Variants in YME1L1 observed in about 807,000 individuals in gnomAD.
YME1L1 encodes the protein ATP-dependent zinc metalloprotease YME1L1.
YME1L1 carries 39 observed loss-of-function variants against 90.4 expected under a neutral mutation model. The ratio of observed to expected loss-of-function variants is 0.43; its 90% CI spans 0.33 to 0.56. The LOEUF is 0.56. Among genes scored for constraint, YME1L1 ranks in the 20% least tolerant of loss-of-function variants. The pLI, the probability that YME1L1 is intolerant of heterozygous loss-of-function variation, is 0.03. For missense variants in YME1L1, 617 were observed against 868.4 expected, an observed-to-expected ratio of 0.71 and a Z score of 3.64; for synonymous variants, 284 against 287.3, an observed-to-expected ratio of 0.99 and a Z score of 0.12.
chr10:27,124,071 G>T (rs2056893699), intron 9 of YME1L1, among the ~76,000 whole-genome samples: 1 of 151,988 alleles, frequency 6.6e-6, no homozygotes, highest in South Asian at 2.1e-4. Flanking sequence ...TTTTCATAAA[G>T]AACAAAAAAT....
intron 1 of YME1L1, among the ~76,000 whole-genome samples, chr10:27,151,566 G>A (rs1008238670): frequency 2.6e-5 from 4 of 152,198 alleles, no homozygotes; most frequent in African/African-American, 4.8e-5. Context: ...AAGGAATAAA[G>A]CTGACCGTAA....
At chr10:27,145,298 AAAC>A in intron 3 of YME1L1, 127 bp downstream of exon 3, 1 of 787,386 alleles carries the variant, frequency 1.3e-6, no homozygotes, top group Admixed American at 3.8e-5. Flanking sequence ...GCAAAAAAAA[AAAC>A]AAAAAAAAAA....
intron 14 of YME1L1, among the ~76,000 whole-genome samples, chr10:27,118,164 A>C (rs748600281): frequency 1.3e-5 from 2 of 152,142 alleles, no homozygotes; most frequent in Non-Finnish European, 2.9e-5. Context: ...ATTCTCCTTA[A>C]AGTCATTCTT....
At position 27,111,806 on chromosome 10, in the gene YME1L1, A is replaced by T; in HGVS notation, c.*171T>A. The stretch of plus-strand genomic sequence containing the variant: ...GGGATGCTAATTTGCAATAGGTGTC[A>T]TAATGAGAATAACCCAAACTGGATA... On this transcript the variant is annotated 3_prime_UTR_variant, in exon 19 of 19. Transcript: ENST00000376016. 1 of 847,870 alleles carries T rather than the reference A, an allele frequency of 1.2e-6. No homozygotes were observed. The highest frequency in any genetic ancestry group is 2.0e-6 in the Non-Finnish European group (1 of 510,360). 52.5% of individuals were successfully genotyped at this position (847,870 alleles called of 1,614,324 possible).
At chr10:27,113,098 T>C (rs918802492) in intron 18 of YME1L1, among the ~76,000 whole-genome samples, 2 of 151,652 alleles carry the variant, frequency 1.3e-5, no homozygotes, top group Admixed American at 1.3e-4. Context: ...CATGCGCTTA[T>C]AGTCCCAGCT....
intron 9 of YME1L1, among the ~76,000 whole-genome samples, chr10:27,125,569 T>C (rs2056909955): frequency 6.6e-6 from 1 of 151,786 alleles, no homozygotes; most frequent in African/African-American, 2.4e-5. Flanking sequence ...AAGGATACTA[T>C]TGGAGCAAAT....
At chr10:27,129,873 C>T (rs182222130) in intron 8 of YME1L1, among the ~76,000 whole-genome samples, 243 of 152,304 alleles carry the variant, frequency 1.6e-3, no homozygotes, top group African/African-American at 5.4e-3. Flanking sequence ...CATTCCTCCT[C>T]TCCCAGCCAT....
At chr10:27,134,731 C>A in intron 6 of YME1L1, 100 bp downstream of exon 6, 1 of 1,193,606 alleles carries the variant, frequency 8.4e-7, no homozygotes, top group Non-Finnish European at 1.2e-6. Flanking sequence ...GGAATTTAAT[C>A]AATAGATGGT....
intron 18 of YME1L1, among the ~76,000 whole-genome samples, 165 bp from the exon 19 acceptor site, chr10:27,112,285 T>C (rs577936925): frequency 2.0e-5 from 3 of 152,174 alleles, no homozygotes; most frequent in Non-Finnish European, 4.4e-5. Context: ...AATTTGTGCA[T>C]TATAACATAG....
intron 4 of YME1L1, among the ~76,000 whole-genome samples, chr10:27,138,681 C>T (rs1008052951): frequency 7.2e-5 from 11 of 152,084 alleles, no homozygotes; most frequent in Non-Finnish European, 1.5e-4. Flanking sequence ...TTTATTTCAA[C>T]AGCCTTTTGG....
intron 18 of YME1L1, among the ~76,000 whole-genome samples, chr10:27,113,672 C>CAAAAAAAAAAAAA (rs373714641): frequency 1.3e-5 from 1 of 74,076 alleles, no homozygotes; most frequent in Non-Finnish European, 2.8e-5. Context: ...AACTCTGTCT[C>CAAAAAAAAAAAAA]AAAAAAAAAA....
At chr10:27,113,049 CTCTCTACA>C (rs2056773766) in intron 18 of YME1L1, among the ~76,000 whole-genome samples, 1 of 151,108 alleles carries the variant, frequency 6.6e-6, no homozygotes, top group Admixed American at 6.6e-5. Flanking sequence ...TAGTGAAATG[CTCTCTACA>C]AAAAATAACA....
chr10:27,153,272 T>C (rs2057251038), intron 1 of YME1L1: 1 of 470,380 alleles, frequency 2.1e-6, no homozygotes, highest in Admixed American at 2.3e-5. Context: ...CTTCAGTTTG[T>C]TAGCCAGTAC....
chr10:27,119,535 G>A (rs1228604553), intron 13 of YME1L1, 86 bp from the exon 14 acceptor site: 1 of 1,428,974 alleles, frequency 7.0e-7, no homozygotes, highest in African/African-American at 1.5e-5. Context: ...CCAACTGGGT[G>A]CGTTGGCTCA....
Position 27,111,890 on chromosome 10 carries a change from G to A in YME1L1, c.*87C>T, listed in dbSNP as rs776859533. 5.4e-6 allele frequency: 8 copies of A among 1,489,162 alleles called. No individual in the cohort carries two copies. Among genetic ancestry groups the A allele is most frequent in the Non-Finnish European group, 6.5e-6 (7 of 1,071,116 alleles). 92.2% of individuals were successfully genotyped at this position (1,489,162 alleles called of 1,614,324 possible). On this transcript the variant is annotated 3_prime_UTR_variant, in exon 19 of 19. Transcript: ENST00000376016. ...CCTTCAATTACACCACATCAAGAATGAGGGGAAAGCGTTGTAAAAGTAGAC... is the reference window on the plus strand; with the variant it reads ...CCTTCAATTACACCACATCAAGAATAAGGGGAAAGCGTTGTAAAAGTAGAC...
chr10:27,119,971 T>C (rs1055042393), intron 13 of YME1L1, among the ~76,000 whole-genome samples: 49 of 152,348 alleles, frequency 3.2e-4, no homozygotes, highest in Middle Eastern at 3.4e-3. Flanking sequence ...GTTTAATGAA[T>C]TGATACAGCT....
chr10:27,116,497 T>C (rs2056814859), intron 15 of YME1L1, 152 bp from the exon 16 acceptor site: 1 of 781,168 alleles, frequency 1.3e-6, no homozygotes, highest in African/African-American at 1.8e-5. Context: ...AGAAATCCTG[T>C]CTCTACTAAA....
At position 27,123,340 on chromosome 10, in the gene YME1L1, C is replaced by T. The variant is rs552648121; in HGVS notation, c.1102+207G>A. 7.2e-5 allele frequency among the ~76,000 whole-genome samples: 11 copies of T among 152,040 alleles called. No homozygotes were observed. The South Asian group carries it at 2.1e-3, about 29-fold the overall frequency. On this transcript the variant is annotated intron_variant, in intron 10 of 18. Coordinates refer to ENST00000376016, the MANE Select transcript of YME1L1 (RefSeq NM_014263.4). Reference sequence around the variant, plus strand: ...CATCTTGCACTTCCACTAGCTCTTCCGATAATTCATATAGTAAGTTACCCA... The same window carrying T: ...CATCTTGCACTTCCACTAGCTCTTCTGATAATTCATATAGTAAGTTACCCA...
At chr10:27,132,066 C>T in intron 7 of YME1L1, 125 bp from the exon 8 acceptor site, 1 of 667,638 alleles carries the variant, frequency 1.5e-6, no homozygotes, top group South Asian at 2.0e-5. Context: ...CTTCACATAT[C>T]AAATCAGAGT....
Sources: gnomAD v4.1 joint callset for allele counts (sites outside exome capture counted in the v4.1 genomes callset) on GRCh38, gnomAD v4.1.1 for gene constraint, MANE v1.5 for transcripts, NCBI Gene and HGNC (gene_info 2026-07-23, HGNC 2026-07-21) for gene names.